The following LINGO2 variants were observed in gnomAD, a reference collection of about 807,000 sequenced individuals.
The protein encoded by LINGO2 is leucine rich repeat and Ig domain containing 2, also known as leucine-rich repeat and immunoglobulin-like domain-containing nogo receptor-interacting protein 2.
LINGO2 carries 14 observed loss-of-function variants against 30.6 expected under a neutral mutation model. The observed-to-expected ratio is 0.46, with a 90% CI of 0.30 to 0.72. The LOEUF (loss-of-function observed/expected upper bound fraction) is 0.72, where lower values mean the gene tolerates loss of function less well. LINGO2 is among the 30% of genes least tolerant of loss of function. The pLI is 0.07. For missense variants in LINGO2, 729 were observed against 751.7 expected, an observed-to-expected ratio of 0.97 and a Z score of 0.35; for synonymous variants, 317 against 288.5, an observed-to-expected ratio of 1.10 and a Z score of -1.00.
intron 1 of LINGO2, among the ~76,000 whole-genome samples, chr9:28,663,467 G>A (rs921802315): frequency 1.1e-4 from 17 of 152,164 alleles, no homozygotes; most frequent in East Asian, 1.9e-4. Context: ...CACCGCATCC[G>A]GCCTGCAGTT....
intron 2 of LINGO2, among the ~76,000 whole-genome samples, chr9:28,406,689 A>C (rs2383767): frequency 0.58 from 88,707 of 151,958 alleles, 27,135 homozygotes; most frequent in Non-Finnish European, 0.68. Context: ...GACAAACATG[A>C]ATCCATCTGC....
At chr9:28,950,985 C>A in the LINGO2 span, among the ~76,000 whole-genome samples, 1 of 152,296 alleles carries the variant, frequency 6.6e-6, no homozygotes, top group East Asian at 1.9e-4. Flanking sequence ...TACCTGACTT[C>A]AAACTATACT....
chr9:28,471,669 A>C (rs1825526252), intron 2 of LINGO2, among the ~76,000 whole-genome samples: 1 of 152,188 alleles, frequency 6.6e-6, no homozygotes, highest in Non-Finnish European at 1.5e-5. Flanking sequence ...ATTATTACCA[A>C]GTGATTATAA....
At chr9:29,178,027 C>T in the LINGO2 span, among the ~76,000 whole-genome samples, 2 of 150,922 alleles carry the variant, frequency 1.3e-5, no homozygotes, top group Non-Finnish European at 1.5e-5. Flanking sequence ...TTCTCTGCTC[C>T]TTTTTTCCTA....
intron 4 of LINGO2, among the ~76,000 whole-genome samples, chr9:28,198,557 A>T (rs991848): frequency 0.083 from 12,627 of 152,186 alleles, 695 homozygotes; most frequent in East Asian, 0.2. Flanking sequence ...ATTCCTTTTC[A>T]TTTTAAATAT....
chr9:28,718,394 T>A, the LINGO2 span, among the ~76,000 whole-genome samples: 1 of 152,004 alleles, frequency 6.6e-6, no homozygotes, highest in South Asian at 2.1e-4. Context: ...GTATAATACA[T>A]AAACTACACA....
chr9:28,355,715 C>T (rs1296103027), intron 3 of LINGO2, among the ~76,000 whole-genome samples: 2 of 152,072 alleles, frequency 1.3e-5, no homozygotes, highest in Admixed American at 6.6e-5. Flanking sequence ...AGGATCGAAA[C>T]CCTAGGCTAA....
chr9:29,197,753 C>T, the LINGO2 span, among the ~76,000 whole-genome samples: 738 of 152,136 alleles, frequency 4.9e-3, 10 homozygotes, highest in African/African-American at 0.017. Flanking sequence ...TTACTTATAA[C>T]GTAATCAATC....
At chr9:28,684,320 T>C in the LINGO2 span, among the ~76,000 whole-genome samples, 5 of 149,188 alleles carry the variant, frequency 3.4e-5, no homozygotes, top group African/African-American at 1.2e-4. Flanking sequence ...CCAGAGTAGC[T>C]GGGACTACAG....
At position 28,650,781 on chromosome 9, in the gene LINGO2, T is replaced by G. The variant is rs1184992457; in HGVS notation, c.-365+19419A>C. Among the ~76,000 whole-genome samples, 4 of 152,232 alleles carry G rather than the reference T, an allele frequency of 2.6e-5. 1 individual carries two copies. Among genetic ancestry groups the G allele is most frequent in the Non-Finnish European group, 5.9e-5 (4 of 68,030 alleles). On this transcript the variant is annotated intron_variant, in intron 1 of 5. Transcript: ENST00000379992. Reference sequence around the variant, plus strand: ...ATAAATAGGACTTATATTTTCATTATCCATAGTGATCACTGTCACTGTATT... The same window carrying G: ...ATAAATAGGACTTATATTTTCATTAGCCATAGTGATCACTGTCACTGTATT...
chr9:28,437,377 T>C (rs1353079663), intron 2 of LINGO2, among the ~76,000 whole-genome samples: 1 of 152,110 alleles, frequency 6.6e-6, no homozygotes, highest in African/African-American at 2.4e-5. Flanking sequence ...AATTATGTCA[T>C]GGGCTTCCCT....
chr9:28,497,744 A>G (rs1297391465), intron 1 of LINGO2, among the ~76,000 whole-genome samples: 3 of 152,158 alleles, frequency 2.0e-5, no homozygotes, highest in African/African-American at 7.2e-5. Flanking sequence ...TCTGATTTTT[A>G]GAATTTTCAG....
At chr9:27,959,641 G>A (rs1376866868) in intron 5 of LINGO2, among the ~76,000 whole-genome samples, 3 of 152,088 alleles carry the variant, frequency 2.0e-5, no homozygotes, top group Admixed American at 6.6e-5. Context: ...AATACACTAT[G>A]AAAAATTTCC....
intron 3 of LINGO2, among the ~76,000 whole-genome samples, chr9:28,347,850 T>C (rs965643993): frequency 3.3e-5 from 5 of 152,176 alleles, no homozygotes; most frequent in African/African-American, 1.2e-4. Context: ...GAGTGCTGAG[T>C]ACTACTGAGA....
At chr9:28,628,623 G>A (rs1160170190) in intron 1 of LINGO2, among the ~76,000 whole-genome samples, 1 of 152,000 alleles carries the variant, frequency 6.6e-6, no homozygotes, top group African/African-American at 2.4e-5. Flanking sequence ...TGTGTGAGTG[G>A]TATTTAATGA....
chr9:28,112,007 C>G (rs957239540), intron 4 of LINGO2, among the ~76,000 whole-genome samples: 1 of 134,722 alleles, frequency 7.4e-6, no homozygotes, highest in South Asian at 2.6e-4. Flanking sequence ...GCGCTGCACC[C>G]ACTAATGTGT....
intron 5 of LINGO2, among the ~76,000 whole-genome samples, chr9:27,961,001 A>G (rs574177283): frequency 2.0e-5 from 3 of 152,276 alleles, no homozygotes; most frequent in South Asian, 4.1e-4. Context: ...TAATTTTTCA[A>G]CTTTACAATG....
the LINGO2 span, among the ~76,000 whole-genome samples, chr9:29,007,813 G>C: frequency 6.6e-6 from 1 of 152,086 alleles, no homozygotes; most frequent in African/African-American, 2.4e-5. Flanking sequence ...TGAATATGTT[G>C]AGTATGCAGG....
In LINGO2 at chr9:28,053,362, T is replaced by A. The variant is rs149523294; in HGVS notation, c.-86-40957A>T. On this transcript the variant is annotated intron_variant, in intron 4 of 5. Coordinates refer to ENST00000379992, the Ensembl canonical transcript of LINGO2. ...GGGAGAGAGTCGTAAGAGACAAAAC[T>A]AGAATGCTAAGCAGAAGCAAGATCA... Among the ~76,000 whole-genome samples, 881 of 151,908 alleles carry A rather than the reference T, an allele frequency of 5.8e-3. 8 individuals carry two copies. The highest frequency in any genetic ancestry group is 7.0e-3 in the Non-Finnish European group (477 of 67,936).
Sources: gnomAD v4.1 joint callset for allele counts (sites outside exome capture counted in the v4.1 genomes callset) on GRCh38, gnomAD v4.1.1 for gene constraint, MANE v1.5 for transcripts, NCBI Gene and HGNC (gene_info 2026-07-23, HGNC 2026-07-21) for gene names.